Variants in STAG2 observed in about 807,000 individuals in gnomAD.
STAG2 encodes the protein cohesin subunit SA-2.
A neutral mutation model predicts 108.1 loss-of-function variants in STAG2; 14 were observed. The ratio of observed to expected loss-of-function variants is 0.13; its 90% CI spans 0.09 to 0.20. The LOEUF is 0.20. Among genes scored for constraint, STAG2 ranks in the 10% least tolerant of loss-of-function variants. The pLI is 1.00. For synonymous variants in STAG2, 307 were observed against 302.7 expected, an observed-to-expected ratio of 1.01 and a Z score of -0.15; for missense variants, 440 against 940.9, an observed-to-expected ratio of 0.47 and a Z score of 6.96.
rs779994106 is a variant in STAG2 at position 124,037,550 on chromosome X, A to G, written c.312A>G (p.Glu104=). 2 of 1,186,584 alleles carry G rather than the reference A, an allele frequency of 1.7e-6. No individual in the cohort carries two copies. Among genetic ancestry groups the G allele is most frequent in the South Asian group, 3.7e-5 (2 of 54,463 alleles). The change falls in exon 6 of 35, where the codon GAA becomes GAG. Residue 104 remains glutamate (E), a synonymous_variant. Coordinates refer to ENST00000371145, the MANE Select transcript of STAG2 (RefSeq NM_001042750.2). ...AGTCGGTGGTAGATGATTGGATAGA[A>G]TCATACAAGCATGACCGAGATATAG... ...AMQSVVDDWI[E]SYKHDRDIAL...
chrX:124,083,606 T>A, intron 29 of STAG2, 57 bp downstream of exon 29: 1 of 977,595 alleles, frequency 1.0e-6, no homozygotes, highest in South Asian at 2.6e-5. Flanking sequence ...TTAAGGGCAA[T>A]TTTTATACTT....
intron 1 of STAG2, among the ~76,000 whole-genome samples, chrX:124,006,812 T>C (rs747603974): frequency 9.0e-6 from 1 of 111,525 alleles, no homozygotes; most frequent in South Asian, 3.7e-4. Context: ...TTGTGTTTTC[T>C]TCTATTCAGT....
At chrX:123,966,425 G>A (rs780066443) in intron 1 of STAG2, among the ~76,000 whole-genome samples, 4 of 109,575 alleles carry the variant, frequency 3.7e-5, no homozygotes, top group Admixed American at 2.9e-4. Context: ...TCGCGCCACT[G>A]CACTGTAGCC....
chrX:124,083,161 A>G (rs1354040269), intron 28 of STAG2, among the ~76,000 whole-genome samples: 16 of 111,634 alleles, frequency 1.4e-4, no homozygotes, highest in African/African-American at 5.2e-4. Flanking sequence ...ATGTAGATAT[A>G]CCAGACCATA....
intron 10 of STAG2, 25 bp from the exon 11 acceptor site, chrX:124,050,161 C>T: frequency 1.7e-6 from 2 of 1,201,882 alleles, no homozygotes; most frequent in Non-Finnish European, 2.2e-6. Flanking sequence ...ACTAATTATG[C>T]ATCGTTTTTC....
chrX:123,986,982 T>TA (rs992317938), intron 1 of STAG2, among the ~76,000 whole-genome samples: 2 of 109,360 alleles, frequency 1.8e-5, no homozygotes, highest in South Asian at 7.9e-4. Flanking sequence ...TCCAGCTACT[T>TA]AAAAAAAAAT....
At chrX:123,987,096 G>A (rs1379780771) in intron 1 of STAG2, among the ~76,000 whole-genome samples, 3 of 110,419 alleles carry the variant, frequency 2.7e-5, no homozygotes, top group Admixed American at 1.9e-4. Context: ...GGGTTCAAGC[G>A]ATTCTCCTGC....
chrX:124,078,969 A>AAAAC (rs1188302393), intron 27 of STAG2, among the ~76,000 whole-genome samples: 2 of 107,874 alleles, frequency 1.9e-5, no homozygotes, highest in Non-Finnish European at 3.8e-5. Context: ...ACTCTGTCTC[A>AAAAC]AAACAAACAA....
chrX:124,056,191 T>G lies in STAG2; in HGVS notation c.1260T>G (p.Ala420=), dbSNP rs1341159807. ...ATGTCTATCATCTGGTTTATTCAGC[T>G]CACCGGCCAGTAGCAGTAGCAGCTG... is the stretch of plus-strand genomic sequence containing the variant. The part of the protein sequence containing the change: ...CENVYHLVYS[A]HRPVAVAAGE... Residue 420 remains alanine, a synonymous_variant, in exon 14 of 35, where the codon GCT becomes GCG. Coordinates refer to ENST00000371145, the MANE Select transcript of STAG2 (RefSeq NM_001042750.2). 2 of 1,209,635 alleles carry G rather than the reference T, an allele frequency of 1.7e-6. No individual in the cohort carries two copies. Among genetic ancestry groups the G allele is most frequent in the Non-Finnish European group, 1.1e-6 (1 of 894,192 alleles).
chrX:124,078,797 C>T (rs773552743), intron 27 of STAG2, among the ~76,000 whole-genome samples: 9 of 109,331 alleles, frequency 8.2e-5, no homozygotes, highest in African/African-American at 3.0e-4. Context: ...GGTGAAACCC[C>T]GTCTCTACTA....
chrX:124,082,353 G>A (rs1011870875), intron 28 of STAG2, among the ~76,000 whole-genome samples: 1 of 111,431 alleles, frequency 9.0e-6, no homozygotes, highest in African/African-American at 3.3e-5. Context: ...TAAAGTATGG[G>A]TACATTTTAG....
chrX:124,071,143 A>G lies in STAG2; in HGVS notation c.2359-6A>G. 1.9e-6 allele frequency: 2 copies of G among 1,040,411 alleles called. No individual in the cohort carries two copies. The highest frequency in any genetic ancestry group is 2.5e-6 in the Non-Finnish European group (2 of 802,261). The allele number at this position is 1,040,411 out of a possible 1,213,427, so 85.7% of individuals were successfully genotyped here. A position where few individuals can be genotyped will look rare whatever the true frequency, so the allele number is the denominator to read the frequency against. On this transcript the variant is annotated splice_region_variant and splice_polypyrimidine_tract_variant and intron_variant, in intron 24 of 34. Transcript: ENST00000371145. ...ATGCTTTCCTCTTTTTTTTTTTTTT[A>G]AATAGGCCTTCACTATTCTGTGTGA...
intron 34 of STAG2, chrX:124,097,781 G>A (rs1402585258): frequency 2.9e-5 from 8 of 272,589 alleles, no homozygotes; most frequent in South Asian, 1.3e-4. Context: ...GCAAGTGTCC[G>A]AGTAGTAATT....
At chrX:124,072,163 C>T (rs1198855566) in intron 25 of STAG2, among the ~76,000 whole-genome samples, 2 of 111,341 alleles carry the variant, frequency 1.8e-5, no homozygotes, top group Non-Finnish European at 3.8e-5. Context: ...AGGTGGTGTG[C>T]CACCGTGCTT....
intron 5 of STAG2, among the ~76,000 whole-genome samples, chrX:124,035,310 C>T (rs1035473825): frequency 4.5e-5 from 5 of 111,536 alleles, no homozygotes; most frequent in Non-Finnish European, 5.6e-5. Context: ...TTCAGTAGCT[C>T]GCATTATTTT....
intron 25 of STAG2, 27 bp from the exon 26 acceptor site, chrX:124,076,305 G>A: frequency 8.3e-7 from 1 of 1,198,755 alleles, no homozygotes; most frequent in South Asian, 1.8e-5. Context: ...AATACAAGAT[G>A]CTTAATGTTT....
At chrX:123,988,493 A>G (rs1367974089) in intron 1 of STAG2, among the ~76,000 whole-genome samples, 1 of 110,865 alleles carries the variant, frequency 9.0e-6, no homozygotes, top group Non-Finnish European at 1.9e-5. Context: ...TTGCAGTATT[A>G]TGAGGGAAAT....
chrX:123,986,982 TA>T lies in STAG2; in HGVS notation c.-163+25135del, dbSNP rs992317938. The stretch of plus-strand genomic sequence containing the variant: ...GTGTGCGCCACCATGTCCAGCTACT[TA>T]AAAAAAAATTTTTTTTTTAATTTTT... On this transcript the variant is annotated intron_variant, in intron 1 of 34. Coordinates refer to ENST00000371145, the MANE Select transcript of STAG2 (RefSeq NM_001042750.2). 9.1e-5 allele frequency among the ~76,000 whole-genome samples: 10 copies of T among 109,359 alleles called. 1 individual carries two copies. The East Asian group carries it at 1.4e-3, about 16-fold the overall frequency. 95.0% of individuals were successfully genotyped at this position (109,359 alleles called of 115,157 possible).
intron 13 of STAG2, 127 bp from the exon 14 acceptor site, chrX:124,056,001 T>A (rs1359889728): frequency 1.2e-5 from 4 of 346,402 alleles, no homozygotes; most frequent in Non-Finnish European, 1.4e-5. Flanking sequence ...ATTTGGTTTT[T>A]TTTTTCCTTT....
Sources: allele counts gnomAD v4.1 joint callset (sites outside exome capture counted in the v4.1 genomes callset), GRCh38; gene constraint gnomAD v4.1.1; transcripts MANE v1.5; gene names NCBI Gene and HGNC (gene_info 2026-07-23, HGNC 2026-07-21).